The following BZW1 variants were observed in gnomAD, a reference collection of about 807,000 sequenced individuals.
BZW1 encodes the protein eIF5-mimic protein 2.
BZW1 carries 3 observed loss-of-function variants against 54.1 expected under a neutral mutation model. The observed-to-expected ratio is 0.06, with a 90% CI of 0.03 to 0.14. The LOEUF (loss-of-function observed/expected upper bound fraction) is 0.14. BZW1 is among the 10% of genes least tolerant of loss of function. The pLI, the probability that BZW1 is intolerant of heterozygous loss-of-function variation, is 1.00. For synonymous variants in BZW1, 152 were observed against 162.7 expected, an observed-to-expected ratio of 0.93 and a Z score of 0.50; for missense variants, 206 against 491.7, an observed-to-expected ratio of 0.42 and a Z score of 5.50.
In BZW1 at chr2:200,827,194, CACTCTAA is replaced by C. The variant is rs1185795075; in HGVS notation, c.*5018_*5024del. 6.6e-6 allele frequency: 1 copy of C among 152,156 alleles called. No homozygotes were observed. Among genetic ancestry groups the C allele is most frequent in the Admixed American group, 6.5e-5 (1 of 15,270 alleles). 9.4% of individuals were successfully genotyped at this position (152,156 alleles called of 1,614,324 possible). ...AGCTGGTAACTCATTTAGCTCTTGG[CACTCTAA>C]AAAACCTCAAATACAGCCATCCAAG... On this transcript the variant is annotated 3_prime_UTR_variant, in exon 12 of 12. Coordinates refer to ENST00000409600, the MANE Select transcript of BZW1 (RefSeq NM_001207067.2).
At chr2:200,812,250 G>C in intron 1 of BZW1, 1 of 1,229,730 alleles carries the variant, frequency 8.1e-7, no homozygotes. Flanking sequence ...GCCGAGGCGG[G>C]CTCCCTCTGG....
chr2:200,815,032 G>A (rs1051539177), intron 2 of BZW1, among the ~76,000 whole-genome samples: 4 of 152,214 alleles, frequency 2.6e-5, no homozygotes, highest in East Asian at 1.9e-4. Flanking sequence ...GGAATAAAAT[G>A]TACCTGTTAG....
chr2:200,812,052 G>C, intron 1 of BZW1, 62 bp downstream of exon 1: 1 of 426,740 alleles, frequency 2.3e-6, no homozygotes, highest in Non-Finnish European at 3.9e-6. Context: ...CCGGGCAGAG[G>C]GAGAGGGAGG....
At chr2:200,818,616 T>A in intron 8 of BZW1, 139 bp from the exon 9 acceptor site, 1 of 1,096,500 alleles carries the variant, frequency 9.1e-7, no homozygotes, top group Non-Finnish European at 1.3e-6. Flanking sequence ...TAAAGGTCTC[T>A]TTTTATATGT....
intron 4 of BZW1, 64 bp downstream of exon 4, chr2:200,815,825 A>C: frequency 1.5e-6 from 2 of 1,370,402 alleles, no homozygotes; most frequent in Non-Finnish European, 1.9e-6. Context: ...TTTGAGGAAT[A>C]TTCTACTTTT....
At chr2:200,817,785 A>G (rs565008847) in intron 6 of BZW1, among the ~76,000 whole-genome samples, 189 bp from the exon 7 acceptor site, 1 of 152,212 alleles carries the variant, frequency 6.6e-6, no homozygotes, top group African/African-American at 2.4e-5. Context: ...CCAAGAATAT[A>G]CAATTTGCAA....
rs1297166853 is a variant in BZW1, at chr2:200,811,948, T to A, written c.-53T>A. The A allele has an allele frequency of 3.4e-6, 1 of 291,982 alleles. No individual in the cohort carries two copies. Among genetic ancestry groups the A allele is most frequent in the Non-Finnish European group, 6.3e-6 (1 of 158,354 alleles). 18.1% of individuals were successfully genotyped at this position (291,982 alleles called of 1,614,324 possible). ...GAGGAGACACCGCCGCAGTTGCCGG[T>A]ACATCGGGGATTTCTGGCTCTTTCC... On this transcript the variant is annotated 5_prime_UTR_variant, in exon 1 of 12. Transcript: ENST00000409600.
rs2038608606 is a variant in BZW1 at position 200,823,713 on chromosome 2, T to TC, written c.*1535_*1536insC. The TC allele has an allele frequency of 6.6e-6, 1 of 152,366 alleles. No individual in the cohort carries two copies. Among genetic ancestry groups the TC allele is most frequent in the Admixed American group, 6.6e-5 (1 of 15,248 alleles). The allele number at this position is 152,366 out of a possible 1,614,324, so 9.4% of individuals were successfully genotyped here. A position where few individuals can be genotyped will look rare whatever the true frequency, so the allele number is the denominator to read the frequency against. ...AATTTGTTAAAATGAGTAACTTTGA[T>TC]AAAGTTTTTCATGCACAGGCAAAAT... is the stretch of plus-strand genomic sequence containing the variant. On this transcript the variant is annotated 3_prime_UTR_variant, in exon 12 of 12. Transcript: ENST00000409600.
chr2:200,816,167 GAATT>G (rs890179170), intron 4 of BZW1, among the ~76,000 whole-genome samples, 154 bp from the exon 5 acceptor site: 1 of 152,208 alleles, frequency 6.6e-6, no homozygotes. Flanking sequence ...TGTAAGCAAA[GAATT>G]AAAGTACATC....
At chr2:200,812,620 A>G in intron 1 of BZW1, 1 of 1,325,462 alleles carries the variant, frequency 7.5e-7, no homozygotes, top group Non-Finnish European at 1.0e-6. Context: ...GAGACACGTT[A>G]CCGGGGAGGA....
In BZW1 at chr2:200,825,672, T is replaced by C. The variant is rs2038672179; in HGVS notation, c.*3494T>C. On this transcript the variant is annotated 3_prime_UTR_variant, in exon 12 of 12. Coordinates refer to ENST00000409600, the MANE Select transcript of BZW1 (RefSeq NM_001207067.2). ...AAATGTATTACTAAGTAGAATCATT[T>C]GGGTTCTTTCTATAAAAATCAGTGA... 6.6e-6 allele frequency: 1 copy of C among 152,232 alleles called. No homozygotes were observed. Among genetic ancestry groups the C allele is most frequent in the Non-Finnish European group, 1.5e-5 (1 of 68,044 alleles). The allele number at this position is 152,232 out of a possible 1,614,324, so 9.4% of individuals were successfully genotyped here. A position where few individuals can be genotyped will look rare whatever the true frequency, so the allele number is the denominator to read the frequency against.
At chr2:200,815,175 A>G (rs1328942833) in intron 2 of BZW1, among the ~76,000 whole-genome samples, 166 bp from the exon 3 acceptor site, 2 of 152,266 alleles carry the variant, frequency 1.3e-5, no homozygotes, top group East Asian at 1.9e-4. Context: ...AAGTTGCACA[A>G]TTCTTGTGAG....
intron 9 of BZW1, 144 bp downstream of exon 9, chr2:200,819,045 T>C: frequency 1.1e-6 from 1 of 938,738 alleles, no homozygotes. Context: ...ATAGTAACAT[T>C]AGCTATTGAT....
At position 200,818,500 on chromosome 2, in the gene BZW1, AG is replaced by A. The variant is rs2038375746; in HGVS notation, c.819+109del. ...AGGATGAGATTGAGTTAATAGTAAC[AG>A]GATGTTATACTGGAACTTTGCCTCA... is the stretch of plus-strand genomic sequence containing the variant. On this transcript the variant is annotated intron_variant, in intron 8 of 11. Transcript: ENST00000409600. 5.4e-6 allele frequency: 7 copies of A among 1,307,230 alleles called. No individual in the cohort carries two copies. The Middle Eastern group carries it at 7.8e-4, about 146-fold the overall frequency. 81.0% of individuals were successfully genotyped at this position (1,307,230 alleles called of 1,614,324 possible).
In BZW1 at chr2:200,821,599, A is replaced by G. The variant is rs376346298; in HGVS notation, c.1228+294A>G. On this transcript the variant is annotated intron_variant, in intron 11 of 11. Transcript: ENST00000409600. ...AAAAATATAGAGACAGAGTCTCACT[A>G]TGTTGCCGATGCTGGTCTTGAACTC... is the stretch of plus-strand genomic sequence containing the variant. Among the ~76,000 whole-genome samples the G allele has an allele frequency of 5.3e-5, 8 of 151,654 alleles. No homozygotes were observed. In the East Asian group the frequency reaches 1.2e-3, roughly 22 times the overall value.
At chr2:200,819,858 T>A (rs1453576536) in intron 9 of BZW1, 124 bp from the exon 10 acceptor site, 3 of 928,754 alleles carry the variant, frequency 3.2e-6, no homozygotes, top group Non-Finnish European at 4.4e-6. Context: ...TTCTGGTAAA[T>A]AAGTTATAGT....
rs781429139 is a variant in BZW1 at position 200,827,036 on chromosome 2, A to G, written c.*4858A>G. ...GATTCATTTATAGACTGAAGCCTCT[A>G]TGACTTCAAAAAGATACTCAACAGT... On this transcript the variant is annotated 3_prime_UTR_variant, in exon 12 of 12. Coordinates refer to ENST00000409600, the MANE Select transcript of BZW1 (RefSeq NM_001207067.2). The G allele has an allele frequency of 1.3e-5, 2 of 152,108 alleles. No homozygotes were observed. Among genetic ancestry groups the G allele is most frequent in the African/African-American group, 2.4e-5 (1 of 41,390 alleles). The allele number at this position is 152,108 out of a possible 1,614,324, so 9.4% of individuals were successfully genotyped here. A position where few individuals can be genotyped will look rare whatever the true frequency, so the allele number is the denominator to read the frequency against.
chr2:200,821,405 A>C, intron 11 of BZW1, 100 bp downstream of exon 11: 1 of 1,420,676 alleles, frequency 7.0e-7, no homozygotes, highest in South Asian at 1.4e-5. Context: ...GCCATTTTGT[A>C]CCTGGAGTAG....
Position 200,823,536 on chromosome 2 carries a change from G to C in BZW1, c.*1358G>C, listed in dbSNP as rs1458667156. ...CTGGAATAATGCCACCAGAGACTGA[G>C]TGGAAATCGCCCCTTTTGAAGGTGC... On this transcript the variant is annotated 3_prime_UTR_variant, in exon 12 of 12. Transcript: ENST00000409600. 1 of 152,328 alleles carries C rather than the reference G, an allele frequency of 6.6e-6. No homozygotes were observed. Among genetic ancestry groups the C allele is most frequent in the African/African-American group, 2.4e-5 (1 of 41,336 alleles). The allele number at this position is 152,328 out of a possible 1,614,324, so 9.4% of individuals were successfully genotyped here.
Sources: gnomAD v4.1 joint callset for allele counts (sites outside exome capture counted in the v4.1 genomes callset) on GRCh38, gnomAD v4.1.1 for gene constraint, MANE v1.5 for transcripts, NCBI Gene and HGNC (gene_info 2026-07-23, HGNC 2026-07-21) for gene names.